ASIC2: variants seen among roughly 807,000 people sequenced by gnomAD.
ASIC2 encodes acid-sensing ion channel 2.
ASIC2 carries 25 observed loss-of-function variants against 57.3 expected under a neutral mutation model. The observed-to-expected ratio is 0.44, with a 90% CI of 0.32 to 0.61. The LOEUF (loss-of-function observed/expected upper bound fraction) is 0.61, where lower values mean the gene tolerates loss of function less well. Among genes scored for constraint, ASIC2 ranks in the 20% least tolerant of loss-of-function variants. ASIC2 has a pLI of 0.06. For synonymous variants in ASIC2, 319 were observed against 307.5 expected (o/e 1.04, Z -0.39); for missense variants, 641 against 738.1 (o/e 0.87, Z 1.52).
chr17:33,551,915 G>T (rs1017744420), intron 1 of ASIC2, among the ~76,000 whole-genome samples: 2 of 152,116 alleles, frequency 1.3e-5, no homozygotes, highest in Non-Finnish European at 2.9e-5. Flanking sequence ...GAAAATGAAG[G>T]TTGTCACAAA....
At chr17:33,680,155 G>A (rs1907955857) in intron 1 of ASIC2, among the ~76,000 whole-genome samples, 1 of 152,076 alleles carries the variant, frequency 6.6e-6, no homozygotes, top group African/African-American at 2.4e-5. Context: ...CTTAAAGATT[G>A]GGAACCCCTA....
chr17:33,040,495 T>G (rs2091925632), intron 3 of ASIC2, among the ~76,000 whole-genome samples: 1 of 152,348 alleles, frequency 6.6e-6, no homozygotes, highest in Admixed American at 6.5e-5. Flanking sequence ...CTCCAGGGTC[T>G]TCAAAGTCTT....
intron 1 of ASIC2, among the ~76,000 whole-genome samples, chr17:33,384,879 A>C (rs920230910): frequency 1.3e-5 from 2 of 152,190 alleles, no homozygotes; most frequent in African/African-American, 4.8e-5. Flanking sequence ...TCATATGCCC[A>C]ATGCCATCAT....
chr17:33,735,854 T>C (rs1909895569), intron 1 of ASIC2, among the ~76,000 whole-genome samples: 1 of 152,170 alleles, frequency 6.6e-6, no homozygotes, highest in Non-Finnish European at 1.5e-5. Context: ...AGCCTTATTT[T>C]TCTTCCACTG....
chr17:33,585,639 A>G (rs1448803680), intron 1 of ASIC2, among the ~76,000 whole-genome samples: 1 of 152,194 alleles, frequency 6.6e-6, no homozygotes, highest in Non-Finnish European at 1.5e-5. Flanking sequence ...GCAATATGGG[A>G]AACCGTGTAA....
At chr17:33,833,566 A>G (rs1913182431) in intron 1 of ASIC2, among the ~76,000 whole-genome samples, 1 of 151,760 alleles carries the variant, frequency 6.6e-6, no homozygotes. Flanking sequence ...GCATGTGTAG[A>G]AGACCTGGGT....
intron 1 of ASIC2, among the ~76,000 whole-genome samples, chr17:34,059,133 G>A (rs1908875315): frequency 6.6e-6 from 1 of 152,212 alleles, no homozygotes; most frequent in Non-Finnish European, 1.5e-5. Flanking sequence ...TCTGAAGGAA[G>A]TGGACTGCTC....
At chr17:33,662,225 C>T (rs1436518727) in intron 1 of ASIC2, among the ~76,000 whole-genome samples, 1 of 152,098 alleles carries the variant, frequency 6.6e-6, no homozygotes, top group African/African-American at 2.4e-5. Context: ...GCTCAGTTTT[C>T]TTATCTGTAA....
Position 33,648,033 on chromosome 17 carries a change from G to A in ASIC2, c.555+507945C>T, listed in dbSNP as rs1432278237. 8.5e-5 allele frequency among the ~76,000 whole-genome samples: 13 copies of A among 152,124 alleles called. No individual in the cohort carries two copies. The South Asian group carries it at 1.7e-3, about 19-fold the overall frequency. The stretch of plus-strand genomic sequence containing the variant: ...ATCTCTGGGCTTGGCATGTGAGGAC[G>A]GTCCCCATCATGAATCACAAGATGT... On this transcript the variant is annotated intron_variant, in intron 1 of 9. Coordinates refer to the ASIC2 transcript ENST00000359872.
intron 1 of ASIC2, among the ~76,000 whole-genome samples, chr17:33,255,053 T>G (rs921754018): frequency 1.4e-5 from 2 of 141,970 alleles, no homozygotes; most frequent in African/African-American, 5.4e-5. Flanking sequence ...TTTTTTTTTT[T>G]GGGACAGAGC....
At chr17:33,886,725 A>C (rs555173996) in intron 1 of ASIC2, among the ~76,000 whole-genome samples, 1 of 148,994 alleles carries the variant, frequency 6.7e-6, no homozygotes, top group Non-Finnish European at 1.5e-5. Flanking sequence ...ATTAGAATAC[A>C]TCAGTCTTTC....
intron 1 of ASIC2, among the ~76,000 whole-genome samples, chr17:33,252,400 G>A (rs1183226691): frequency 6.6e-6 from 1 of 152,166 alleles, no homozygotes; most frequent in Non-Finnish European, 1.5e-5. Context: ...CTCTGTTCTA[G>A]GACAAATTGG....
intron 1 of ASIC2, among the ~76,000 whole-genome samples, chr17:33,347,134 A>G (rs1380111089): frequency 6.6e-6 from 1 of 152,160 alleles, no homozygotes; most frequent in Non-Finnish European, 1.5e-5. Context: ...GCTCTTGGGA[A>G]GGAAAGATGA....
At chr17:33,853,992 TG>T (rs1913845788) in intron 1 of ASIC2, among the ~76,000 whole-genome samples, 1 of 152,208 alleles carries the variant, frequency 6.6e-6, no homozygotes, top group African/African-American at 2.4e-5. Flanking sequence ...TTGATACATT[TG>T]CCCATCGAAG....
At chr17:33,502,118 T>G in intron 1 of ASIC2, among the ~76,000 whole-genome samples, 2 of 150,788 alleles carry the variant, frequency 1.3e-5, no homozygotes, top group Admixed American at 6.6e-5. Flanking sequence ...GGGGAAGGGG[T>G]GGGGTTCCAA....
chr17:33,132,582 C>T (rs1046807313), intron 1 of ASIC2, among the ~76,000 whole-genome samples: 6 of 152,198 alleles, frequency 3.9e-5, no homozygotes, highest in Non-Finnish European at 7.3e-5. Context: ...CACATGCATG[C>T]ACGTACATAC....
intron 1 of ASIC2, chr17:34,037,981 T>C: frequency 6.2e-7 from 1 of 1,613,686 alleles, no homozygotes; most frequent in African/African-American, 1.3e-5. Flanking sequence ...TTGGTGGTTC[T>C]TTCCCAACCA....
chr17:33,021,333 C>A, intron 6 of ASIC2, 23 bp from the exon 7 acceptor site: 1 of 1,555,598 alleles, frequency 6.4e-7, no homozygotes, highest in South Asian at 1.1e-5. Flanking sequence ...TAGTCAGTAC[C>A]ATACATGGTT....
chr17:33,285,501 C>T (rs1397383043), intron 1 of ASIC2, among the ~76,000 whole-genome samples: 2 of 152,226 alleles, frequency 1.3e-5, no homozygotes, highest in African/African-American at 4.8e-5. Flanking sequence ...CACTTGAATA[C>T]AGAACTTTTC....
Sources: gnomAD v4.1 joint callset for allele counts (sites outside exome capture counted in the v4.1 genomes callset) on GRCh38, gnomAD v4.1.1 for gene constraint, MANE v1.5 for transcripts, NCBI Gene and HGNC (gene_info 2026-07-23, HGNC 2026-07-21) for gene names.